Variants in FILIP1L observed in about 807,000 individuals in gnomAD.
The protein encoded by FILIP1L is filamin A-interacting protein 1-like.
Under a neutral mutation model 96.6 loss-of-function variants are expected in FILIP1L, and 55 were observed. That is an observed-to-expected ratio of 0.57 (90% CI 0.46 to 0.71). The LOEUF (loss-of-function observed/expected upper bound fraction) is 0.71. Ranked by LOEUF, FILIP1L falls within the 30% of genes least tolerant of loss-of-function variation. FILIP1L has a pLI of 0.00. For missense variants in FILIP1L, 1,304 were observed against 1,321.2 expected (o/e 0.99, Z 0.20); for synonymous variants, 467 against 473.9 (o/e 0.99, Z 0.19).
chr3:100,084,530 C>T (rs1397750864), intron 1 of FILIP1L, among the ~76,000 whole-genome samples: 6 of 152,096 alleles, frequency 3.9e-5, no homozygotes, highest in African/African-American at 1.2e-4. Context: ...CCACTAAAAA[C>T]GGGAAAACAA....
intron 4 of FILIP1L, among the ~76,000 whole-genome samples, chr3:99,901,683 T>C (rs1706442831): frequency 6.6e-6 from 1 of 152,352 alleles, no homozygotes; most frequent in East Asian, 1.9e-4. Flanking sequence ...TCAAGTTGTG[T>C]AACTCTACTC....
At chr3:100,016,823 T>C (rs956583332) in intron 1 of FILIP1L, among the ~76,000 whole-genome samples, 1 of 152,228 alleles carries the variant, frequency 6.6e-6, no homozygotes, top group African/African-American at 2.4e-5. Context: ...TTAATAGTGC[T>C]TCTAGGAACA....
chr3:99,831,789 A>G (rs190262666), intron 5 of FILIP1L, among the ~76,000 whole-genome samples: 90 of 152,318 alleles, frequency 5.9e-4, no homozygotes, highest in Admixed American at 1.9e-3. Flanking sequence ...CCAGCAATTC[A>G]CATTTTTAAT....
intron 4 of FILIP1L, among the ~76,000 whole-genome samples, chr3:99,872,906 G>C (rs1228646322): frequency 6.6e-6 from 1 of 151,804 alleles, no homozygotes; most frequent in Non-Finnish European, 1.5e-5. Context: ...AGGTCAAGGA[G>C]AATCTCAAGT....
At chr3:99,838,477 G>A (rs1362577830) in intron 5 of FILIP1L, among the ~76,000 whole-genome samples, 1 of 152,206 alleles carries the variant, frequency 6.6e-6, no homozygotes, top group East Asian at 1.9e-4. Context: ...GAGAAGTGGG[G>A]AGGAGAAAGC....
chr3:100,112,771 T>C (rs2066512347), intron 1 of FILIP1L, among the ~76,000 whole-genome samples: 1 of 152,212 alleles, frequency 6.6e-6, no homozygotes, highest in Admixed American at 6.5e-5. Context: ...ATGAATATTA[T>C]TGCTGCCTTT....
At chr3:100,059,940 G>A (rs539769441) in intron 1 of FILIP1L, among the ~76,000 whole-genome samples, 10 of 151,958 alleles carry the variant, frequency 6.6e-5, no homozygotes, top group South Asian at 4.2e-4. Context: ...TTCTGGCCTC[G>A]TTAGTGAGGT....
intron 4 of FILIP1L, among the ~76,000 whole-genome samples, chr3:99,880,769 T>C (rs186175743): frequency 2.6e-4 from 40 of 152,336 alleles, no homozygotes; most frequent in Non-Finnish European, 5.9e-5. Context: ...CATGTAGTCC[T>C]ACCACATGAA....
intron 1 of FILIP1L, among the ~76,000 whole-genome samples, chr3:99,932,483 TA>T (rs1352301401): frequency 7.2e-5 from 11 of 152,228 alleles, no homozygotes; most frequent in Non-Finnish European, 1.0e-4. Context: ...TGTTTTTGAA[TA>T]TTTTTTTTTC....
intron 4 of FILIP1L, among the ~76,000 whole-genome samples, chr3:99,867,689 T>G (rs1295641738): frequency 6.6e-6 from 1 of 152,124 alleles, no homozygotes; most frequent in Non-Finnish European, 1.5e-5. Context: ...AAATCTCAGT[T>G]CCACAAAATA....
intron 4 of FILIP1L, among the ~76,000 whole-genome samples, chr3:99,916,026 T>TA (rs1263648952): frequency 6.6e-6 from 1 of 152,234 alleles, no homozygotes; most frequent in Non-Finnish European, 1.5e-5. Context: ...TGGTTAATTT[T>TA]ATGTGTCAAC....
At chr3:99,865,995 G>C (rs1050723551) in intron 4 of FILIP1L, among the ~76,000 whole-genome samples, 2 of 151,928 alleles carry the variant, frequency 1.3e-5, no homozygotes, top group Admixed American at 1.3e-4. Flanking sequence ...TTTTCACTTA[G>C]ATATTGCACG....
At chr3:99,836,896 C>T (rs1409075496) in intron 5 of FILIP1L, among the ~76,000 whole-genome samples, 1 of 152,206 alleles carries the variant, frequency 6.6e-6, no homozygotes, top group Non-Finnish European at 1.5e-5. Context: ...AGGTTTGCCA[C>T]TTTGTGGCAC....
At chr3:99,967,095 A>G (rs553100871) in intron 1 of FILIP1L, among the ~76,000 whole-genome samples, 6 of 152,344 alleles carry the variant, frequency 3.9e-5, no homozygotes, top group Admixed American at 3.3e-4. Context: ...TAAAGTTCTC[A>G]GACTCTCTTC....
chr3:99,955,002 C>T (rs1708279327), intron 1 of FILIP1L, among the ~76,000 whole-genome samples: 1 of 152,152 alleles, frequency 6.6e-6, no homozygotes, highest in Admixed American at 6.5e-5. Flanking sequence ...TCTGTTTTGC[C>T]TCTTACAAAG....
At chr3:99,873,497 G>A (rs777575414) in intron 4 of FILIP1L, among the ~76,000 whole-genome samples, 2 of 152,114 alleles carry the variant, frequency 1.3e-5, no homozygotes, top group African/African-American at 2.4e-5. Flanking sequence ...TTAAATAGGA[G>A]GGGCTGTATG....
At chr3:99,989,752 A>G (rs1404382299) in intron 1 of FILIP1L, among the ~76,000 whole-genome samples, 1 of 151,686 alleles carries the variant, frequency 6.6e-6, no homozygotes. Flanking sequence ...TAGTATGCTA[A>G]TATGTTATCA....
chr3:100,112,253 T>C (rs1001594361), intron 1 of FILIP1L, among the ~76,000 whole-genome samples: 3 of 152,198 alleles, frequency 2.0e-5, no homozygotes, highest in Non-Finnish European at 2.9e-5. Context: ...GGGTATTACA[T>C]TGGTAATGAA....
chr3:100,084,921 G>C (rs139809969), intron 1 of FILIP1L, among the ~76,000 whole-genome samples: 101 of 152,300 alleles, frequency 6.6e-4, no homozygotes, highest in Non-Finnish European at 1.1e-3. Context: ...ACTATGTAAA[G>C]GTAATGTAAT....
Sources: allele counts gnomAD v4.1 joint callset (sites outside exome capture counted in the v4.1 genomes callset), GRCh38; gene constraint gnomAD v4.1.1; transcripts MANE v1.5; gene names NCBI Gene and HGNC (gene_info 2026-07-23, HGNC 2026-07-21).